The following LINGO2 variants were observed in gnomAD, a reference collection of about 807,000 sequenced individuals.
The protein encoded by LINGO2 is leucine-rich repeat and immunoglobulin-like domain-containing nogo receptor-interacting protein 2.
LINGO2 carries 14 observed loss-of-function variants against 30.6 expected under a neutral mutation model. That is an observed-to-expected ratio of 0.46 (90% CI 0.30 to 0.72). The LOEUF (loss-of-function observed/expected upper bound fraction) is 0.72. Among genes scored for constraint, LINGO2 ranks in the 30% least tolerant of loss-of-function variants. LINGO2 has a pLI of 0.07. For synonymous variants in LINGO2, 317 were observed against 288.5 expected (o/e 1.10, Z -1.00); for missense variants, 729 against 751.7 (o/e 0.97, Z 0.35).
intron 1 of LINGO2, among the ~76,000 whole-genome samples, chr9:28,593,159 A>G (rs755854854): frequency 6.6e-6 from 1 of 152,110 alleles, no homozygotes; most frequent in Non-Finnish European, 1.5e-5. Flanking sequence ...CGAAGGCTAT[A>G]TTGTGCAATG....
At chr9:27,976,893 T>TGAA (rs1820622232) in intron 5 of LINGO2, among the ~76,000 whole-genome samples, 3 of 152,086 alleles carry the variant, frequency 2.0e-5, no homozygotes, top group Non-Finnish European at 4.4e-5. Context: ...ACTGGACCAC[T>TGAA]CTCGTGGTAT....
At chr9:28,556,213 T>A (rs1168598779) in intron 1 of LINGO2, among the ~76,000 whole-genome samples, 1 of 152,056 alleles carries the variant, frequency 6.6e-6, no homozygotes, top group African/African-American at 2.4e-5. Flanking sequence ...ATTGTCCCTG[T>A]TTGCAGACGA....
intron 4 of LINGO2, among the ~76,000 whole-genome samples, chr9:28,189,345 G>A (rs866820848): frequency 2.8e-3 from 21 of 7,582 alleles, no homozygotes; most frequent in African/African-American, 9.7e-3. Flanking sequence ...GGAAGGAAGG[G>A]AGGAAGGAAG....
the LINGO2 span, among the ~76,000 whole-genome samples, chr9:28,706,667 G>A: frequency 6.6e-6 from 1 of 152,008 alleles, no homozygotes; most frequent in Non-Finnish European, 1.5e-5. Flanking sequence ...ATTGAAATCT[G>A]TTGAAGTTGG....
At chr9:28,585,347 G>GTATA (rs1276994625) in intron 1 of LINGO2, among the ~76,000 whole-genome samples, 1 of 151,886 alleles carries the variant, frequency 6.6e-6, no homozygotes, top group Non-Finnish European at 1.5e-5. Flanking sequence ...TGAGGGTATG[G>GTATA]TATAATTCAA....
chr9:28,656,050 G>A (rs935958679), intron 1 of LINGO2, among the ~76,000 whole-genome samples: 2 of 152,128 alleles, frequency 1.3e-5, no homozygotes, highest in Non-Finnish European at 2.9e-5. Context: ...AACATTGGCT[G>A]TAAATATAGG....
chr9:29,046,567 T>C, the LINGO2 span, among the ~76,000 whole-genome samples: 9 of 152,076 alleles, frequency 5.9e-5, no homozygotes, highest in East Asian at 1.7e-3. Flanking sequence ...CTAAACCCCT[T>C]TCTTACACCA....
the LINGO2 span, among the ~76,000 whole-genome samples, chr9:28,972,979 A>G: frequency 6.6e-6 from 1 of 152,162 alleles, no homozygotes; most frequent in Non-Finnish European, 1.5e-5. Context: ...ACACAGCCAA[A>G]CCATATCAGG....
chr9:28,377,505 C>T (rs7850303), intron 2 of LINGO2, among the ~76,000 whole-genome samples: 151,610 of 152,288 alleles, frequency 1, 75,472 homozygotes, highest in Middle Eastern at 1. Flanking sequence ...TAGTTAAGTT[C>T]TGGGGGAGTA....
intron 4 of LINGO2, among the ~76,000 whole-genome samples, chr9:28,234,439 T>A (rs1054792530): frequency 6.6e-6 from 1 of 152,204 alleles, no homozygotes; most frequent in African/African-American, 2.4e-5. Context: ...AAAGTATTGT[T>A]CTTGGGTGTG....
chr9:28,837,649 A>AACATAT, the LINGO2 span, among the ~76,000 whole-genome samples: 1 of 75,794 alleles, frequency 1.3e-5, no homozygotes, highest in South Asian at 6.0e-4. Flanking sequence ...CTCCGTCTAA[A>AACATAT]ATATATATAT....
At position 28,647,912 on chromosome 9, in the gene LINGO2, A is replaced by C. The variant is rs1213163577; in HGVS notation, c.-365+22288T>G. 7.4e-3 allele frequency among the ~76,000 whole-genome samples: 557 copies of C among 75,192 alleles called. 3 individuals are homozygous for C. Among genetic ancestry groups the C allele is most frequent in the African/African-American group, 0.025 (519 of 21,006 alleles). The allele number at this position is 75,192 out of a possible 152,430, so 49.3% of individuals were successfully genotyped here. On this transcript the variant is annotated intron_variant, in intron 1 of 5. Transcript: ENST00000379992. ...TTCTTTCTTTTTTTTTTTTTTTTTTACTCCTTACATAGCTTGTGGTTAATC... is the reference window on the plus strand; with the variant it reads ...TTCTTTCTTTTTTTTTTTTTTTTTTCCTCCTTACATAGCTTGTGGTTAATC...
At chr9:28,791,276 T>C in the LINGO2 span, among the ~76,000 whole-genome samples, 4 of 152,044 alleles carry the variant, frequency 2.6e-5, no homozygotes, top group African/African-American at 9.7e-5. Context: ...TTAAAGGAGT[T>C]TCTGGCTCTA....
At chr9:28,945,309 C>T in the LINGO2 span, among the ~76,000 whole-genome samples, 1 of 152,142 alleles carries the variant, frequency 6.6e-6, no homozygotes, top group South Asian at 2.1e-4. Context: ...TATTGATAAA[C>T]AATAGTAAAA....
At chr9:29,177,443 G>A in the LINGO2 span, among the ~76,000 whole-genome samples, 1 of 152,022 alleles carries the variant, frequency 6.6e-6, no homozygotes, top group Non-Finnish European at 1.5e-5. Context: ...TAAACTTCAG[G>A]AGCCTTATTT....
At chr9:28,496,291 G>C (rs1419149452) in intron 1 of LINGO2, among the ~76,000 whole-genome samples, 1 of 152,122 alleles carries the variant, frequency 6.6e-6, no homozygotes, top group African/African-American at 2.4e-5. Context: ...TTGTGTGGGA[G>C]TCTAAGTCTC....
chr9:28,606,013 C>T (rs1825678856), intron 1 of LINGO2, among the ~76,000 whole-genome samples: 1 of 151,266 alleles, frequency 6.6e-6, no homozygotes. Flanking sequence ...ACTATAGTGA[C>T]ATTAGAATCT....
At chr9:28,966,907 T>G in the LINGO2 span, among the ~76,000 whole-genome samples, 1 of 152,060 alleles carries the variant, frequency 6.6e-6, no homozygotes, top group Admixed American at 6.6e-5. Flanking sequence ...ACCCACTTAC[T>G]GATGCATAAA....
At chr9:29,059,601 G>A in the LINGO2 span, among the ~76,000 whole-genome samples, 5 of 151,696 alleles carry the variant, frequency 3.3e-5, no homozygotes, top group Non-Finnish European at 7.4e-5. Context: ...GATTTTCAAC[G>A]AAGGTATCAA....
Sources: allele counts gnomAD v4.1 joint callset (sites outside exome capture counted in the v4.1 genomes callset), GRCh38; gene constraint gnomAD v4.1.1; transcripts MANE v1.5; gene names NCBI Gene and HGNC (gene_info 2026-07-23, HGNC 2026-07-21).